CLSTN2: variants seen among roughly 807,000 people sequenced by gnomAD.
CLSTN2 encodes the protein calsyntenin-2.
In CLSTN2, 48 loss-of-function variants were observed where a neutral mutation model predicts 101.2. The ratio of observed to expected loss-of-function variants is 0.47; its 90% CI spans 0.38 to 0.60. The LOEUF is 0.60. Ranked by LOEUF, CLSTN2 falls within the 20% of genes least tolerant of loss-of-function variation. The probability of loss-of-function intolerance (pLI) is 0.00; values close to 1 mark genes in which losing one functional copy is unlikely to be tolerated. For synonymous variants in CLSTN2, 481 were observed against 463.6 expected (o/e 1.04, Z -0.48); for missense variants, 1,160 against 1,238.2 (o/e 0.94, Z 0.95).
chr3:140,030,145 G>GA (rs1481629756), intron 1 of CLSTN2, among the ~76,000 whole-genome samples: 2 of 152,188 alleles, frequency 1.3e-5, no homozygotes, highest in Admixed American at 1.3e-4. Context: ...GGACCACAGA[G>GA]AAAAAATTAC....
chr3:140,494,053 TTTC>T (rs899883498), intron 8 of CLSTN2, among the ~76,000 whole-genome samples: 1 of 152,246 alleles, frequency 6.6e-6, no homozygotes, highest in Non-Finnish European at 1.5e-5. Context: ...AAAATCTGTT[TTTC>T]TTTAACAACA....
intron 8 of CLSTN2, among the ~76,000 whole-genome samples, chr3:140,522,370 T>C (rs1935048976): frequency 6.6e-6 from 1 of 152,224 alleles, no homozygotes; most frequent in South Asian, 2.1e-4. Flanking sequence ...GTGTTTAAAT[T>C]AGTGGCCTGA....
chr3:140,190,438 C>CAAAAAAAAAAAAAAAAAAAAAAAAAAAA (rs35206840), intron 2 of CLSTN2, among the ~76,000 whole-genome samples: 1 of 82,968 alleles, frequency 1.2e-5, no homozygotes, highest in Non-Finnish European at 2.4e-5. Flanking sequence ...TCTATAGCTA[C>CAAAAAAAAAAAAAAAAAAAAAAAAAAAA]AAAAAAAAAA....
intron 2 of CLSTN2, among the ~76,000 whole-genome samples, chr3:140,191,318 T>C (rs1468983840): frequency 6.6e-6 from 1 of 152,010 alleles, no homozygotes; most frequent in African/African-American, 2.4e-5. Context: ...TGTGCTAATG[T>C]TTTAGTGAGA....
At chr3:140,483,576 C>T (rs1472204369) in intron 8 of CLSTN2, among the ~76,000 whole-genome samples, 1 of 152,126 alleles carries the variant, frequency 6.6e-6, no homozygotes, top group Non-Finnish European at 1.5e-5. Context: ...GTGTGGGAGT[C>T]TAAGTCTCTT....
chr3:140,516,841 G>A lies in CLSTN2; in HGVS notation c.1345-15483G>A, dbSNP rs150610571. Among the ~76,000 whole-genome samples, 25 of 152,202 alleles carry A rather than the reference G, an allele frequency of 1.6e-4. No homozygotes were observed. In the East Asian group the frequency reaches 4.1e-3, roughly 25 times the overall value. On this transcript the variant is annotated intron_variant, in intron 8 of 16. Coordinates refer to ENST00000458420, the MANE Select transcript of CLSTN2 (RefSeq NM_022131.3). ...GATCTTTTTGTGATAAATTTCCAAG[G>A]TGTTCTTTGAGCTTTTTGTATTTGG...
intron 2 of CLSTN2, among the ~76,000 whole-genome samples, chr3:140,212,411 C>A (rs2010868975): frequency 1.3e-5 from 2 of 152,152 alleles, no homozygotes; most frequent in Admixed American, 1.3e-4. Context: ...GGTAATTAAT[C>A]TGCATATAGA....
chr3:140,391,113 G>A (rs1314556322), intron 2 of CLSTN2, among the ~76,000 whole-genome samples: 2 of 152,116 alleles, frequency 1.3e-5, no homozygotes, highest in Non-Finnish European at 2.9e-5. Flanking sequence ...CAGAGTTTGG[G>A]CCTCCCCTTC....
intron 8 of CLSTN2, among the ~76,000 whole-genome samples, chr3:140,467,811 T>G (rs552516163): frequency 6.6e-6 from 1 of 152,028 alleles, no homozygotes; most frequent in South Asian, 2.1e-4. Flanking sequence ...TCCAGTAAGC[T>G]GATCTTAGAG....
At chr3:140,339,328 T>G (rs1397264894) in intron 2 of CLSTN2, among the ~76,000 whole-genome samples, 1 of 152,126 alleles carries the variant, frequency 6.6e-6, no homozygotes, top group South Asian at 2.1e-4. Context: ...TCTCTCTCTC[T>G]TCCCCACCTC....
At chr3:140,398,460 T>C (rs544877821) in intron 2 of CLSTN2, among the ~76,000 whole-genome samples, 4 of 152,290 alleles carry the variant, frequency 2.6e-5, no homozygotes, top group Admixed American at 6.5e-5. Flanking sequence ...TCAGTGCAAA[T>C]GTCAACACAG....
At chr3:140,222,660 A>G (rs76071037) in intron 2 of CLSTN2, among the ~76,000 whole-genome samples, 4,608 of 152,164 alleles carry the variant, frequency 0.03, 247 homozygotes, top group African/African-American at 0.11. Context: ...AGAACCTAGT[A>G]TTTGCTAACA....
intron 2 of CLSTN2, among the ~76,000 whole-genome samples, chr3:140,323,652 A>G (rs2087305168): frequency 6.6e-6 from 1 of 152,258 alleles, no homozygotes; most frequent in South Asian, 2.1e-4. Context: ...TACTAAAGAT[A>G]AAGTATGTAA....
At chr3:140,512,196 G>A (rs961704497) in intron 8 of CLSTN2, among the ~76,000 whole-genome samples, 10 of 152,188 alleles carry the variant, frequency 6.6e-5, no homozygotes, top group East Asian at 1.9e-4. Context: ...TGGTGTTTTC[G>A]TCATGAAGTC....
At chr3:140,483,691 T>G (rs1307708968) in intron 8 of CLSTN2, among the ~76,000 whole-genome samples, 3 of 152,154 alleles carry the variant, frequency 2.0e-5, no homozygotes, top group Admixed American at 6.5e-5. Context: ...CCTTTACCAT[T>G]ATGTAATGGC....
intron 16 of CLSTN2, among the ~76,000 whole-genome samples, chr3:140,565,140 G>C (rs1936002907): frequency 6.6e-6 from 1 of 152,214 alleles, no homozygotes; most frequent in African/African-American, 2.4e-5. Context: ...AGCAGTGTGA[G>C]GACAAGGCAA....
chr3:139,992,507 G>T (rs1261912621), intron 1 of CLSTN2, among the ~76,000 whole-genome samples: 1 of 152,166 alleles, frequency 6.6e-6, no homozygotes, highest in East Asian at 1.9e-4. Flanking sequence ...AGCAGTGCCA[G>T]CCTCTAGTGC....
intron 1 of CLSTN2, among the ~76,000 whole-genome samples, chr3:140,172,588 T>A (rs1300979968): frequency 6.6e-6 from 1 of 152,172 alleles, no homozygotes; most frequent in Non-Finnish European, 1.5e-5. Flanking sequence ...ACAAACTGGG[T>A]GGATTAGTCC....
intron 2 of CLSTN2, among the ~76,000 whole-genome samples, chr3:140,244,540 G>A (rs2086498309): frequency 6.6e-6 from 1 of 152,148 alleles, no homozygotes; most frequent in African/African-American, 2.4e-5. Context: ...CTTTATACTT[G>A]ATTCAGTGTC....
Sources: allele counts gnomAD v4.1 joint callset (sites outside exome capture counted in the v4.1 genomes callset), GRCh38; gene constraint gnomAD v4.1.1; transcripts MANE v1.5; gene names NCBI Gene and HGNC (gene_info 2026-07-23, HGNC 2026-07-21).